SLC13A3: variants seen among roughly 807,000 people sequenced by gnomAD.
The protein encoded by SLC13A3 is solute carrier family 13 member 3.
In SLC13A3, 40 loss-of-function variants were observed where a neutral mutation model predicts 59.0. The ratio of observed to expected loss-of-function variants is 0.68; its 90% CI spans 0.53 to 0.88. The LOEUF is 0.88. SLC13A3 is among the 40% of genes least tolerant of loss of function. The probability of loss-of-function intolerance (pLI) is 0.00; values close to 1 mark genes in which losing one functional copy is unlikely to be tolerated. For missense variants in SLC13A3, 699 were observed against 783.2 expected (o/e 0.89, Z 1.28); for synonymous variants, 317 against 330.3 (o/e 0.96, Z 0.44).
At chr20:46,632,753 A>T (rs1430085381) in intron 1 of SLC13A3, among the ~76,000 whole-genome samples, 1 of 152,128 alleles carries the variant, frequency 6.6e-6, no homozygotes, top group Non-Finnish European at 1.5e-5. Context: ...AAGTTCACGT[A>T]GGTAAAAGGC....
At position 46,563,417 on chromosome 20, in the gene SLC13A3, G is replaced by A. The variant is rs1373937632; in HGVS notation, c.1629C>T (p.Asp543=). ...AFASGHLLVK[D]MVRTGLLMNL... Reference sequence around the variant, plus strand: ...GCTGGGAAATGCCCAGACTCACCATGTCTTTGACCAGCAAGTGTCCAGAGG... The same window carrying A: ...GCTGGGAAATGCCCAGACTCACCATATCTTTGACCAGCAAGTGTCCAGAGG... Residue 543 remains aspartate (D), a synonymous_variant, in exon 12 of 13, where the codon GAC becomes GAT. Coordinates refer to ENST00000279027, the MANE Select transcript of SLC13A3 (RefSeq NM_022829.6). 1.9e-6 allele frequency: 3 copies of A among 1,613,632 alleles called. No homozygotes were observed. The highest frequency in any genetic ancestry group is 1.3e-5 in the African/African-American group (1 of 74,932).
At chr20:46,601,235 G>T (rs2062377837) in intron 3 of SLC13A3, among the ~76,000 whole-genome samples, 1 of 152,224 alleles carries the variant, frequency 6.6e-6, no homozygotes, top group Non-Finnish European at 1.5e-5. Flanking sequence ...ACAACTCTGG[G>T]CCTGGTCCGA....
At chr20:46,628,087 C>T (rs6011997) in intron 1 of SLC13A3, among the ~76,000 whole-genome samples, 3 of 152,178 alleles carry the variant, frequency 2.0e-5, no homozygotes, top group Non-Finnish European at 2.9e-5. Context: ...CGTGGCCACA[C>T]TGAGGTTCAT....
intron 1 of SLC13A3, among the ~76,000 whole-genome samples, chr20:46,621,184 T>TC (rs2062610399): frequency 1.3e-5 from 2 of 152,242 alleles, no homozygotes; most frequent in African/African-American, 4.8e-5. Context: ...AGAAAAATGC[T>TC]AGGGAAAGCT....
At chr20:46,671,015 A>G (rs992066900), upstream of SLC13A3, among the ~76,000 whole-genome samples, 1 of 152,076 alleles carries the variant, frequency 6.6e-6, no homozygotes, top group Non-Finnish European at 1.5e-5. Context: ...GAGCAAGCGG[A>G]AGACTTATTT....
chr20:46,632,565 C>T (rs2062750788), intron 1 of SLC13A3, among the ~76,000 whole-genome samples: 4 of 152,020 alleles, frequency 2.6e-5, no homozygotes, highest in Admixed American at 2.6e-4. Flanking sequence ...AGCAGAGAAG[C>T]CTATGGGTTA....
At chr20:46,578,295 G>C (rs1354683982) in intron 9 of SLC13A3, among the ~76,000 whole-genome samples, 3 of 152,210 alleles carry the variant, frequency 2.0e-5, no homozygotes, top group Admixed American at 2.0e-4. Flanking sequence ...ACTCTTCTGG[G>C]CTCTCAGGAT....
chr20:46,637,253 G>C (rs181132883), intron 1 of SLC13A3, among the ~76,000 whole-genome samples: 1 of 151,360 alleles, frequency 6.6e-6, no homozygotes, highest in African/African-American at 2.4e-5. Flanking sequence ...GGAAAGGCCC[G>C]GCCTGTTTCC....
chr20:46,636,832 A>C (rs2062800448), intron 1 of SLC13A3, among the ~76,000 whole-genome samples: 1 of 146,780 alleles, frequency 6.8e-6, no homozygotes, highest in Non-Finnish European at 1.5e-5. Flanking sequence ...TTTGAGACAG[A>C]CTCTGTCACC....
chr20:46,628,291 G>C, intron 1 of SLC13A3, among the ~76,000 whole-genome samples: 1 of 152,120 alleles, frequency 6.6e-6, no homozygotes, highest in East Asian at 1.9e-4. Context: ...TTGCTTTCTT[G>C]CCACTTGTTT....
chr20:46,669,739 G>C (rs145354140), intron 1 of SLC13A3, among the ~76,000 whole-genome samples: 138 of 152,222 alleles, frequency 9.1e-4, no homozygotes, highest in African/African-American at 3.2e-3. Context: ...GAGGGGCAAT[G>C]CCTACAATTT....
rs1179029471 is a variant in SLC13A3 at position 46,592,480 on chromosome 20, C to T, written c.844G>A (p.Ala282Thr). ...AGGAACAACAGCATAAGAGGGAAGG[C>T]GAAAATGAACCAGGAGCCGAAATTC... is the stretch of plus-strand genomic sequence containing the variant. ...VVNFGSWFIF[A>T]FPLMLLFLLA... Residue 282 changes from alanine (A) to threonine (T), a missense_variant, in exon 6 of 13, where the codon GCC (alanine) becomes ACC (threonine). Ala to Thr is a moderately conservative substitution (Grantham distance 58, BLOSUM62 0). Transcript: ENST00000279027. 27 of 1,613,770 alleles carry T rather than the reference C, an allele frequency of 1.7e-5. No homozygotes were observed. Among genetic ancestry groups the T allele is most frequent in the South Asian group, 2.2e-5 (2 of 91,068 alleles).
At position 46,651,293 on chromosome 20, in the gene SLC13A3, A is replaced by G; in HGVS notation, c.111+18T>C. On this transcript the variant is annotated intron_variant, in intron 1 of 12. Transcript: ENST00000279027. Reference sequence around the variant, plus strand: ...CGCCTGTGGTTGACCGGGGGCGCACAGGCGGAGGAGGCGTTACCTTGGGCG... The same window carrying G: ...CGCCTGTGGTTGACCGGGGGCGCACGGGCGGAGGAGGCGTTACCTTGGGCG... The G allele has an allele frequency of 6.8e-7, 1 of 1,473,564 alleles. No individual in the cohort carries two copies. The highest frequency in any genetic ancestry group is 1.3e-5 in the South Asian group (1 of 74,414). 91.3% of individuals were successfully genotyped at this position (1,473,564 alleles called of 1,614,324 possible).
At position 46,635,296 on chromosome 20, in the gene SLC13A3, G is replaced by A. The variant is rs146617932; in HGVS notation, c.111+16015C>T. Among the ~76,000 whole-genome samples the A allele has an allele frequency of 1.4e-4, 21 of 152,262 alleles. No homozygotes were observed. In the East Asian group the frequency reaches 2.5e-3, roughly 18 times the overall value. On this transcript the variant is annotated intron_variant, in intron 1 of 12. Coordinates refer to ENST00000279027, the MANE Select transcript of SLC13A3 (RefSeq NM_022829.6). ...AGGGAAAGGAATTTGAAGCACACAC[G>A]GCAGGCCCAGGGAAAGGACCCAGCC...
chr20:46,674,189 A>G (rs565526912), upstream of SLC13A3, among the ~76,000 whole-genome samples: 3 of 152,230 alleles, frequency 2.0e-5, no homozygotes, highest in Admixed American at 6.5e-5. Context: ...TACCCCGTCA[A>G]CATCTCTCAG....
At chr20:46,618,914 C>A (rs1165671991) in intron 1 of SLC13A3, among the ~76,000 whole-genome samples, 1 of 152,186 alleles carries the variant, frequency 6.6e-6, no homozygotes, top group Non-Finnish European at 1.5e-5. Flanking sequence ...TAGCTCCTAG[C>A]CACGAACTTC....
Position 46,613,685 on chromosome 20 carries a change from T to C in SLC13A3, c.152A>G (p.Tyr51Cys). 1 of 1,610,850 alleles carries C rather than the reference T, an allele frequency of 6.2e-7. No homozygotes were observed. The highest frequency in any genetic ancestry group is 1.1e-5 in the South Asian group (1 of 90,396). Residue 51 changes from tyrosine to cysteine, a missense_variant, in exon 2 of 13, where the codon TAC (tyrosine) becomes TGC (cysteine). Physicochemically the swap from Tyr to Cys is radical, Grantham distance 194. Transcript: ENST00000279027. Reference protein sequence around the residue: ...CLFVILLMAVYWCTEALPLSV... With the variant: ...CLFVILLMAVCWCTEALPLSV... ...GAGCGGCAGGGCCTCCGTGCACCAG[T>C]ACACCGCCATGAGCAGGATGACAAA...
intron 1 of SLC13A3, among the ~76,000 whole-genome samples, chr20:46,631,220 G>A (rs1024977283): frequency 1.3e-5 from 2 of 152,190 alleles, no homozygotes; most frequent in African/African-American, 4.8e-5. Context: ...GTACAGGACA[G>A]AGATGCTGCT....
At chr20:46,576,610 G>C (rs2062079419) in intron 9 of SLC13A3, among the ~76,000 whole-genome samples, 1 of 152,140 alleles carries the variant, frequency 6.6e-6, no homozygotes, top group Admixed American at 6.5e-5. Context: ...ACACCTGATG[G>C]TAACTCCGTA....
Sources: allele counts gnomAD v4.1 joint callset (sites outside exome capture counted in the v4.1 genomes callset), GRCh38; gene constraint gnomAD v4.1.1; transcripts MANE v1.5; gene names NCBI Gene and HGNC (gene_info 2026-07-23, HGNC 2026-07-21).